The following CACNB4 variants were observed in gnomAD, a reference collection of about 807,000 sequenced individuals.
CACNB4 encodes the protein voltage-dependent L-type calcium channel subunit beta-4.
CACNB4 carries 32 observed loss-of-function variants against 71.2 expected under a neutral mutation model. The ratio of observed to expected loss-of-function variants is 0.45; its 90% confidence interval spans 0.34 to 0.60. CACNB4 has a LOEUF of 0.60. CACNB4 is among the 20% of genes least tolerant of loss of function. CACNB4 has a pLI of 0.01. For synonymous variants in CACNB4, 231 were observed against 236.9 expected, an observed-to-expected ratio of 0.97 and a Z score of 0.23; for missense variants, 464 against 647.9, an observed-to-expected ratio of 0.72 and a Z score of 3.08.
chr2:152,098,469 G>C lies in CACNB4; in HGVS notation c.64-56C>G, dbSNP rs754537528. The C allele has an allele frequency of 2.6e-6, 4 of 1,512,832 alleles. No individual in the cohort carries two copies. Among genetic ancestry groups the C allele is most frequent in the Non-Finnish European group, 1.8e-6 (2 of 1,088,534 alleles). The allele number at this position is 1,512,832 out of a possible 1,614,324, so 93.7% of individuals were successfully genotyped here. ...GCCGGTGAGGACCGCAGCGCAGAGC[G>C]GGGCGACCACCCCCGGCTGGAGTCC... On this transcript the variant is annotated intron_variant, in intron 1 of 13. Transcript: ENST00000539935. The surrounding 1 kb of genome is among the most constrained non-coding windows in gnomAD (Gnocchi z 5.3).
intron 2 of CACNB4, among the ~76,000 whole-genome samples, chr2:152,047,580 C>T (rs948883718): frequency 6.6e-6 from 1 of 152,090 alleles, no homozygotes; most frequent in Admixed American, 6.5e-5. Context: ...TGAAATGAAC[C>T]CCTGCCTTTA....
At chr2:151,938,700 C>T (rs2099863529) in intron 2 of CACNB4, among the ~76,000 whole-genome samples, 2 of 152,204 alleles carry the variant, frequency 1.3e-5, no homozygotes, top group African/African-American at 2.4e-5. Flanking sequence ...GGCTAAACTG[C>T]TATTCTTCGT....
intron 2 of CACNB4, among the ~76,000 whole-genome samples, chr2:151,923,316 C>T (rs532577277): frequency 6.6e-6 from 1 of 152,360 alleles, no homozygotes; most frequent in Admixed American, 6.5e-5. Flanking sequence ...CATTTGCCCT[C>T]TCAGTTGCAT....
intron 2 of CACNB4, among the ~76,000 whole-genome samples, chr2:152,042,720 C>T (rs193251257): frequency 9.9e-5 from 15 of 152,050 alleles, no homozygotes; most frequent in African/African-American, 1.4e-4. Flanking sequence ...TGTTTTCAGA[C>T]GCGTTTGAAC....
chr2:151,980,254 C>T (rs1225320553), intron 2 of CACNB4, among the ~76,000 whole-genome samples: 1 of 152,122 alleles, frequency 6.6e-6, no homozygotes, highest in Non-Finnish European at 1.5e-5. Flanking sequence ...GGCTTCCCAT[C>T]GAAAAACCCA....
At chr2:151,843,299 C>T (rs1170335790) in intron 12 of CACNB4, among the ~76,000 whole-genome samples, 1 of 152,218 alleles carries the variant, frequency 6.6e-6, no homozygotes, top group African/African-American at 2.4e-5. Flanking sequence ...TAAGTGTTAG[C>T]ACATCTCAAC....
intron 2 of CACNB4, among the ~76,000 whole-genome samples, chr2:152,054,174 T>C (rs1245953603): frequency 6.6e-6 from 1 of 151,754 alleles, no homozygotes; most frequent in East Asian, 2.0e-4. Flanking sequence ...GAGACCATCC[T>C]GGCTAACGCG....
At chr2:151,933,500 C>T (rs564488645) in intron 2 of CACNB4, among the ~76,000 whole-genome samples, 3 of 152,132 alleles carry the variant, frequency 2.0e-5, no homozygotes, top group Admixed American at 6.5e-5. Context: ...ACTGTCATCC[C>T]TCTTGTAACA....
intron 2 of CACNB4, among the ~76,000 whole-genome samples, chr2:152,041,971 G>A (rs538247742): frequency 2.0e-5 from 3 of 152,272 alleles, no homozygotes; most frequent in African/African-American, 7.2e-5. Flanking sequence ...GCACATAGGA[G>A]GTGTTCAATA....
At chr2:152,094,220 C>CT (rs1056609499) in intron 2 of CACNB4, among the ~76,000 whole-genome samples, 2 of 152,176 alleles carry the variant, frequency 1.3e-5, no homozygotes, top group Non-Finnish European at 2.9e-5. Context: ...GAAGTGAAGA[C>CT]TAAACCCCCA....
chr2:151,923,135 T>C (rs141149573), intron 2 of CACNB4, among the ~76,000 whole-genome samples: 3 of 152,342 alleles, frequency 2.0e-5, no homozygotes, highest in Admixed American at 1.3e-4. Flanking sequence ...AGGTAAGCAT[T>C]ATTTTAAGAA....
rs138685568 is a variant in CACNB4, at chr2:151,945,523, G to C, written c.148-62153C>G. 8.4e-3 allele frequency among the ~76,000 whole-genome samples: 1,276 copies of C among 152,148 alleles called. 14 individuals carry two copies. Among genetic ancestry groups the C allele is most frequent in the African/African-American group, 0.029 (1,196 of 41,506 alleles). ...AAAGATTAGCTGGGTGTGGTGGTGT[G>C]TGCCATAGTCATAGCTACTCAGGAG... is the stretch of plus-strand genomic sequence containing the variant. On this transcript the variant is annotated intron_variant, in intron 2 of 13. Coordinates refer to ENST00000539935, the MANE Select transcript of CACNB4 (RefSeq NM_000726.5).
chr2:152,014,684 T>C (rs1049446089), intron 2 of CACNB4, among the ~76,000 whole-genome samples: 9 of 151,316 alleles, frequency 5.9e-5, no homozygotes, highest in African/African-American at 2.2e-4. Flanking sequence ...TGAGCTGAGA[T>C]TGCACCACTG....
At chr2:152,086,283 G>C (rs1687657478) in intron 2 of CACNB4, among the ~76,000 whole-genome samples, 1 of 152,182 alleles carries the variant, frequency 6.6e-6, no homozygotes, top group African/African-American at 2.4e-5. Flanking sequence ...GAAAAACAGA[G>C]CCTTCCCTAT....
chr2:152,005,912 T>C (rs922552402), intron 2 of CACNB4, among the ~76,000 whole-genome samples: 3 of 152,302 alleles, frequency 2.0e-5, no homozygotes, highest in Non-Finnish European at 2.9e-5. Context: ...GGAGATAATA[T>C]ATGCAAAATG....
chr2:151,863,984 C>T (rs2099842429), intron 9 of CACNB4, among the ~76,000 whole-genome samples: 1 of 152,160 alleles, frequency 6.6e-6, no homozygotes, highest in African/African-American at 2.4e-5. Context: ...ACACCAAACC[C>T]AAAATTCTTT....
At chr2:152,045,321 C>A (rs776778033) in intron 2 of CACNB4, among the ~76,000 whole-genome samples, 2 of 152,134 alleles carry the variant, frequency 1.3e-5, no homozygotes, top group African/African-American at 4.8e-5. Context: ...TATATACATA[C>A]AACAGAATAT....
chr2:152,088,660 G>A (rs1687804617), intron 2 of CACNB4, among the ~76,000 whole-genome samples: 1 of 152,212 alleles, frequency 6.6e-6, no homozygotes, highest in Non-Finnish European at 1.5e-5. Context: ...TGATTACAGT[G>A]AGATGATCAG....
At chr2:151,971,255 C>A in intron 2 of CACNB4, 1 of 540,436 alleles carries the variant, frequency 1.9e-6, no homozygotes, top group South Asian at 2.3e-5. Context: ...TAAAATTGTC[C>A]CTAGGCAAGA....
Sources: gnomAD v4.1 joint callset for allele counts (sites outside exome capture counted in the v4.1 genomes callset) on GRCh38, gnomAD v4.1.1 for gene constraint, Gnocchi (gnomAD v3.1) non-coding constraint, MANE v1.5 for transcripts, NCBI Gene and HGNC (gene_info 2026-07-23, HGNC 2026-07-21) for gene names.